The following KHDRBS2 variants were observed in gnomAD, a reference collection of about 807,000 sequenced individuals.
The protein encoded by KHDRBS2 is KH RNA binding domain containing, signal transduction associated 2, also known as KH domain-containing, RNA-binding, signal transduction-associated protein 2.
A neutral mutation model predicts 44.3 loss-of-function variants in KHDRBS2; 26 were observed. The ratio of observed to expected loss-of-function variants is 0.59; its 90% CI spans 0.43 to 0.81. The LOEUF is 0.81. Among genes scored for constraint, KHDRBS2 ranks in the 40% least tolerant of loss-of-function variants. The pLI, the probability that KHDRBS2 is intolerant of heterozygous loss-of-function variation, is 0.00. For synonymous variants in KHDRBS2, 194 were observed against 151.1 expected (o/e 1.28, Z -2.08); for missense variants, 476 against 433.1 (o/e 1.10, Z -0.88).
intron 2 of KHDRBS2, among the ~76,000 whole-genome samples, chr6:62,150,107 A>T (rs1253166721): frequency 6.6e-6 from 1 of 152,088 alleles, no homozygotes; most frequent in Non-Finnish European, 1.5e-5. Flanking sequence ...AGTATAAGGG[A>T]GTCTTAGAGA....
intron 8 of KHDRBS2, among the ~76,000 whole-genome samples, chr6:61,686,504 G>A (rs1766828306): frequency 6.6e-6 from 1 of 151,576 alleles, no homozygotes; most frequent in African/African-American, 2.4e-5. Flanking sequence ...TTTTGCTATT[G>A]TTGCAACTCA....
At chr6:61,733,495 TGAGGCAGGG>T (rs1473458219) in intron 6 of KHDRBS2, among the ~76,000 whole-genome samples, 1 of 151,666 alleles carries the variant, frequency 6.6e-6, no homozygotes, top group African/African-American at 2.4e-5. Flanking sequence ...CTCAAGAGGC[TGAGGCAGGG>T]GGAATCACTT....
chr6:62,205,779 G>A (rs1370560451), intron 1 of KHDRBS2, among the ~76,000 whole-genome samples: 2 of 152,126 alleles, frequency 1.3e-5, no homozygotes, highest in Non-Finnish European at 2.9e-5. Flanking sequence ...GGGAATGGTA[G>A]ACAAGATTGT....
chr6:62,065,451 C>A (rs1018968573), intron 2 of KHDRBS2, among the ~76,000 whole-genome samples: 1 of 109,078 alleles, frequency 9.2e-6, no homozygotes, highest in Non-Finnish European at 2.1e-5. Context: ...TACTATGCAC[C>A]CATAAAAAAT....
At chr6:61,852,314 C>T (rs1332638757) in intron 6 of KHDRBS2, among the ~76,000 whole-genome samples, 1 of 151,918 alleles carries the variant, frequency 6.6e-6, no homozygotes, top group Non-Finnish European at 1.5e-5. Flanking sequence ...GCCTGTAATC[C>T]CAGCACATTG....
At position 61,918,310 on chromosome 6, in the gene KHDRBS2, C is replaced by T. The variant is rs557073189; in HGVS notation, c.484-16939G>A. Among the ~76,000 whole-genome samples, 14 of 152,016 alleles carry T rather than the reference C, an allele frequency of 9.2e-5. No homozygotes were observed. In the South Asian group the frequency reaches 2.9e-3, roughly 32 times the overall value. On this transcript the variant is annotated intron_variant, in intron 4 of 8. Coordinates refer to ENST00000281156, the MANE Select transcript of KHDRBS2 (RefSeq NM_152688.4). ...CTAAATCAGAGTTTTAAGTCCATTA[C>T]TCTGCATACATTATAAGGGACTATG...
chr6:62,049,548 G>A (rs577015638), intron 2 of KHDRBS2, among the ~76,000 whole-genome samples: 74 of 150,042 alleles, frequency 4.9e-4, no homozygotes, highest in African/African-American at 1.7e-3. Context: ...TCATATGTTC[G>A]TTGGCTACAT....
At chr6:61,901,474 T>A (rs1487713987) in intron 4 of KHDRBS2, 103 bp from the exon 5 acceptor site, 1 of 933,316 alleles carries the variant, frequency 1.1e-6, no homozygotes, top group Non-Finnish European at 1.6e-6. Context: ...GGAAATAATT[T>A]TTTTCATTTG....
chr6:62,110,479 T>A (rs2127382584), intron 2 of KHDRBS2, among the ~76,000 whole-genome samples: 1 of 152,168 alleles, frequency 6.6e-6, no homozygotes, highest in South Asian at 2.1e-4. Context: ...GAACCTGTAA[T>A]ATAGCCATAC....
chr6:62,244,671 T>C (rs530950793), intron 1 of KHDRBS2, among the ~76,000 whole-genome samples: 11 of 152,276 alleles, frequency 7.2e-5, no homozygotes, highest in South Asian at 6.2e-4. Context: ...CAGGGTCCCA[T>C]TGTAGGCTTA....
At chr6:62,135,294 T>TC (rs1448505567) in intron 2 of KHDRBS2, among the ~76,000 whole-genome samples, 2 of 152,178 alleles carry the variant, frequency 1.3e-5, no homozygotes, top group Non-Finnish European at 2.9e-5. Flanking sequence ...TTGCCTGCTG[T>TC]CATGTAAGAC....
chr6:62,179,048 AT>A (rs1291807622), intron 1 of KHDRBS2, among the ~76,000 whole-genome samples: 6 of 151,544 alleles, frequency 4.0e-5, no homozygotes, highest in Admixed American at 1.3e-4. Flanking sequence ...TTTAACTAAC[AT>A]TTTTCCCCCA....
chr6:61,820,003 G>A (rs1789627745), intron 6 of KHDRBS2, among the ~76,000 whole-genome samples: 1 of 151,980 alleles, frequency 6.6e-6, no homozygotes, highest in Admixed American at 6.6e-5. Flanking sequence ...TTCAGGTAAG[G>A]CACAGGAAGG....
the KHDRBS2 span, among the ~76,000 whole-genome samples, chr6:61,567,658 CA>C: frequency 2.7e-5 from 4 of 150,178 alleles, no homozygotes; most frequent in Non-Finnish European, 3.0e-5. Flanking sequence ...AACAAACAAA[CA>C]AAAAAAAGGA....
intron 6 of KHDRBS2, among the ~76,000 whole-genome samples, chr6:61,874,840 T>C (rs568947693): frequency 3.3e-5 from 5 of 152,114 alleles, no homozygotes; most frequent in Non-Finnish European, 7.4e-5. Flanking sequence ...TGGTATTTCT[T>C]AAAACTGTCC....
chr6:62,236,851 A>G (rs1288902315), intron 1 of KHDRBS2, among the ~76,000 whole-genome samples: 1 of 152,226 alleles, frequency 6.6e-6, no homozygotes, highest in Non-Finnish European at 1.5e-5. Context: ...ATAGAAATGT[A>G]AATTAAAAAA....
At chr6:62,034,485 T>G (rs773793651) in intron 3 of KHDRBS2, among the ~76,000 whole-genome samples, 3 of 151,798 alleles carry the variant, frequency 2.0e-5, no homozygotes, top group Admixed American at 6.6e-5. Flanking sequence ...CAAGGATGGT[T>G]CAACACATGC....
At chr6:62,210,781 T>A (rs2150144758) in intron 1 of KHDRBS2, among the ~76,000 whole-genome samples, 1 of 152,246 alleles carries the variant, frequency 6.6e-6, no homozygotes, top group Non-Finnish European at 1.5e-5. Flanking sequence ...AATAACATAA[T>A]CATTAATTTA....
At chr6:61,982,435 G>C (rs1246635011) in intron 3 of KHDRBS2, among the ~76,000 whole-genome samples, 2 of 152,050 alleles carry the variant, frequency 1.3e-5, no homozygotes, top group African/African-American at 4.8e-5. Flanking sequence ...GCTTTGGGAG[G>C]CTGAGGAGGG....
Sources: allele counts gnomAD v4.1 joint callset (sites outside exome capture counted in the v4.1 genomes callset), GRCh38; gene constraint gnomAD v4.1.1; transcripts MANE v1.5; gene names NCBI Gene and HGNC (gene_info 2026-07-23, HGNC 2026-07-21).